The following BMP2K variants were observed in gnomAD, a reference collection of about 807,000 sequenced individuals.
BMP2K encodes the protein BMP-2-inducible protein kinase.
In BMP2K, 74 loss-of-function variants were observed where a neutral mutation model predicts 116.0. The observed-to-expected ratio is 0.64, with a 90% CI of 0.53 to 0.77. The LOEUF (loss-of-function observed/expected upper bound fraction) is 0.77. Ranked by LOEUF, BMP2K falls within the 30% of genes least tolerant of loss-of-function variation. BMP2K has a pLI of 0.00. For synonymous variants in BMP2K, 486 were observed against 502.5 expected, an observed-to-expected ratio of 0.97 and a Z score of 0.44; for missense variants, 1,365 against 1,403.6, an observed-to-expected ratio of 0.97 and a Z score of 0.44.
intron 1 of BMP2K, among the ~76,000 whole-genome samples, chr4:78,783,603 C>T (rs1028820832): frequency 1.3e-5 from 2 of 152,052 alleles, no homozygotes; most frequent in African/African-American, 2.4e-5. Context: ...GCCAGGAGTT[C>T]GAGACCAGCC....
chr4:78,887,318 A>G (rs765271891), intron 15 of BMP2K, 34 bp downstream of exon 15: 1 of 1,440,998 alleles, frequency 6.9e-7, no homozygotes, highest in Middle Eastern at 1.7e-4. Context: ...CACTGTCACA[A>G]ATAAAACACA....
chr4:78,858,564 T>C (rs1204017641), intron 7 of BMP2K, among the ~76,000 whole-genome samples: 1 of 151,888 alleles, frequency 6.6e-6, no homozygotes, highest in Non-Finnish European at 1.5e-5. Flanking sequence ...CCAAAATAAG[T>C]TTATCATGTC....
Position 78,799,008 on chromosome 4 carries a change from AG to A in BMP2K, c.178+22288del, listed in dbSNP as rs1728436879. 1.3e-5 allele frequency among the ~76,000 whole-genome samples: 2 copies of A among 152,252 alleles called. 1 individual carries two copies. The highest frequency in any genetic ancestry group is 4.1e-4 in the South Asian group (2 of 4,832). ...AATTATTTTATTTTGAGATTTTATT[AG>A]AAACTTCTAATTGTCTAGAGAACTT... On this transcript the variant is annotated intron_variant, in intron 1 of 15. Coordinates refer to ENST00000502613, the MANE Select transcript of BMP2K (RefSeq NM_198892.2).
intron 3 of BMP2K, among the ~76,000 whole-genome samples, chr4:78,834,151 A>T (rs752802196): frequency 9.2e-5 from 14 of 152,184 alleles, no homozygotes; most frequent in Non-Finnish European, 1.6e-4. Flanking sequence ...TAAACATTAG[A>T]TATAGAAAAT....
intron 3 of BMP2K, among the ~76,000 whole-genome samples, chr4:78,837,975 T>C (rs926068686): frequency 6.6e-6 from 1 of 152,152 alleles, no homozygotes; most frequent in Non-Finnish European, 1.5e-5. Context: ...TTTTCCTTGC[T>C]GTATTAGTCC....
intron 15 of BMP2K, among the ~76,000 whole-genome samples, chr4:78,891,441 A>G (rs1009273847): frequency 6.6e-6 from 1 of 152,076 alleles, no homozygotes; most frequent in Non-Finnish European, 1.5e-5. Flanking sequence ...TTCTTGCTGT[A>G]TATGCTTTGG....
chr4:78,805,981 A>G (rs754745265), intron 1 of BMP2K, among the ~76,000 whole-genome samples: 4 of 152,174 alleles, frequency 2.6e-5, no homozygotes, highest in Non-Finnish European at 4.4e-5. Flanking sequence ...ACAAAAAAGA[A>G]AAAGAAATAC....
At chr4:78,898,657 CAA>C (rs76934935) in intron 15 of BMP2K, among the ~76,000 whole-genome samples, 10 of 121,168 alleles carry the variant, frequency 8.3e-5, no homozygotes, top group Admixed American at 8.4e-5. Flanking sequence ...GACTCCATCT[CAA>C]AAAAAAAAAA....
intron 1 of BMP2K, among the ~76,000 whole-genome samples, chr4:78,783,810 TAAATA>T (rs1157465921): frequency 3.3e-5 from 5 of 151,288 alleles, no homozygotes; most frequent in Non-Finnish European, 1.5e-5. Context: ...TGTCTCAAAA[TAAATA>T]AATAAATAAA....
In BMP2K at chr4:78,911,552, C is replaced by G. The variant is rs12507099; in HGVS notation, c.3005C>G (p.Thr1002Ser). 149,347 of 1,613,972 alleles carry G rather than the reference C, an allele frequency of 0.093. 8,220 individuals carry two copies. The highest frequency in any genetic ancestry group is 0.25 in the East Asian group (11,217 of 44,860). Residue 1002 changes from threonine (T) to serine (S), a missense_variant, in exon 16 of 16, where the codon ACT becomes AGT. Physicochemically the swap from Thr to Ser is moderately conservative, Grantham distance 58 (BLOSUM62 1). Around this residue, in one of 3 missense-constraint regions of BMP2K, gnomAD observed 596 missense variants for 623.2 expected, o/e 0.96. Coordinates refer to ENST00000502613, the MANE Select transcript of BMP2K (RefSeq NM_198892.2). The part of the protein sequence containing the change: ...SNGKRHHGTP[T>S]STKKTLKPTY... ...GGGAAGCGGCATCATGGCACGCCAACTAGCACAAAGAAGACTTTGAAGCCT... is the reference window on the plus strand; with the variant it reads ...GGGAAGCGGCATCATGGCACGCCAAGTAGCACAAAGAAGACTTTGAAGCCT...
chr4:78,911,974 C>A lies in BMP2K; in HGVS notation c.3427C>A (p.Gln1143Lys), dbSNP rs574634704. The A allele has an allele frequency of 6.2e-7, 1 of 1,613,786 alleles. No individual in the cohort carries two copies. Among genetic ancestry groups the A allele is most frequent in the Non-Finnish European group, 8.5e-7 (1 of 1,179,820 alleles). The change falls in exon 16 of 16, where the codon CAG (glutamine) becomes AAG (lysine). Residue 1143 changes from glutamine (Q) to lysine (K), a missense_variant. This residue lies in a region of BMP2K where 596 missense variants were observed against 623.2 expected (regional missense o/e 0.96). Transcript: ENST00000502613. ...AAGCATCACTCCACATCAGTCCCAA[C>A]AGTCCCAACCAGTCGAATTAGACCC... The part of the protein sequence containing the change: ...VQSITPHQSQ[Q>K]SQPVELDPFG...
At chr4:78,797,382 A>G (rs1728350117) in intron 1 of BMP2K, among the ~76,000 whole-genome samples, 1 of 152,198 alleles carries the variant, frequency 6.6e-6, no homozygotes, top group South Asian at 2.1e-4. Context: ...CAGATGGATT[A>G]TTAGTAGCTA....
chr4:78,911,954 T>C lies in BMP2K; in HGVS notation c.3407T>C (p.Ile1136Thr), dbSNP rs114815339. The C allele has an allele frequency of 1.9e-3, 2,998 of 1,613,990 alleles. 53 individuals carry two copies. In the African/African-American group the frequency reaches 0.036, roughly 19 times the overall value. The change falls in exon 16 of 16, where the codon ATC becomes ACC. Residue 1136 changes from isoleucine to threonine, a missense_variant. Transcript: ENST00000502613. ...TTTACAGAACTTGTGGTGCAAAGCA[T>C]CACTCCACATCAGTCCCAACAGTCC... Reference protein sequence around the residue: ...VPFTELVVQSITPHQSQQSQP... With the variant: ...VPFTELVVQSTTPHQSQQSQP...
chr4:78,900,105 C>A (rs1048100138), intron 15 of BMP2K, among the ~76,000 whole-genome samples: 2 of 152,148 alleles, frequency 1.3e-5, no homozygotes, highest in East Asian at 3.9e-4. Flanking sequence ...CAAGAACAAC[C>A]CCTCTTCTTT....
chr4:78,913,670 T>G lies in BMP2K; in HGVS notation c.*1637T>G, dbSNP rs1172221898. ...CCCAATGGGATAAGCTATTTGCCTA[T>G]TTTCACAGTTCTGAACTTGGAAAGA... is the stretch of plus-strand genomic sequence containing the variant. On this transcript the variant is annotated 3_prime_UTR_variant, in exon 16 of 16. Transcript: ENST00000502613. The G allele has an allele frequency of 2.0e-5, 3 of 152,182 alleles. No homozygotes were observed. Among genetic ancestry groups the G allele is most frequent in the Admixed American group, 6.5e-5 (1 of 15,272 alleles). 9.4% of individuals were successfully genotyped at this position (152,182 alleles called of 1,614,324 possible). A position where few individuals can be genotyped will look rare whatever the true frequency, so the allele number is the denominator to read the frequency against.
chr4:78,873,649 T>C (rs565624947), intron 13 of BMP2K, among the ~76,000 whole-genome samples: 1 of 149,032 alleles, frequency 6.7e-6, no homozygotes, highest in East Asian at 2.0e-4. Flanking sequence ...ATAGAATGCC[T>C]CCCAACCTCT....
Position 78,878,783 on chromosome 4 carries a change from A to G in BMP2K, c.1843A>G (p.Ile615Val). 6.2e-7 allele frequency: 1 copy of G among 1,613,276 alleles called. No homozygotes were observed. ...AIANFTNQKN[I>V]SNPPDMSGWN... ...TGCAAATTTCACAAATCAGAAGAAC[A>G]TCAGCAATCCACCTGATATGTCAGG... The change falls in exon 14 of 16, where the codon ATC becomes GTC. Residue 615 changes from isoleucine to valine, a missense_variant. Ile to Val is a conservative substitution (Grantham distance 29, BLOSUM62 3). Around this residue, in one of 3 missense-constraint regions of BMP2K, gnomAD observed 762 missense variants for 756.7 expected, o/e 1.01. Coordinates refer to ENST00000502613, the MANE Select transcript of BMP2K (RefSeq NM_198892.2).
At chr4:78,824,351 C>T (rs1318418120) in intron 1 of BMP2K, among the ~76,000 whole-genome samples, 1 of 152,212 alleles carries the variant, frequency 6.6e-6, no homozygotes, top group Non-Finnish European at 1.5e-5. Flanking sequence ...AATTAACTGA[C>T]AGTTCCATGT....
intron 1 of BMP2K, among the ~76,000 whole-genome samples, chr4:78,806,773 A>G (rs530134995): frequency 6.6e-6 from 1 of 152,060 alleles, no homozygotes; most frequent in East Asian, 1.9e-4. Flanking sequence ...TCATATTGAG[A>G]AGGTTGCCTT....
Sources: gnomAD v4.1 joint callset for allele counts (sites outside exome capture counted in the v4.1 genomes callset) on GRCh38, gnomAD v4.1.1 for gene constraint, gnomAD v4.1.1 regional missense constraint, MANE v1.5 for transcripts, NCBI Gene and HGNC (gene_info 2026-07-23, HGNC 2026-07-21) for gene names.